CSMD1: variants seen among roughly 807,000 people sequenced by gnomAD.
CSMD1 encodes the protein CUB and Sushi multiple domains 1.
In CSMD1, 213 loss-of-function variants were observed where a neutral mutation model predicts 417.5. The observed-to-expected ratio is 0.51, with a 90% CI of 0.46 to 0.57. CSMD1 has a LOEUF of 0.57. Ranked by LOEUF, CSMD1 falls within the 20% of genes least tolerant of loss-of-function variation. The pLI is 0.00. For synonymous variants in CSMD1, 2,862 were observed against 1,736.8 expected, an observed-to-expected ratio of 1.65 and a Z score of -16.11; for missense variants, 6,923 against 4,529.7, an observed-to-expected ratio of 1.53 and a Z score of -15.17.
chr8:3,965,371 G>T (rs1353759754), intron 5 of CSMD1, among the ~76,000 whole-genome samples: 1 of 152,170 alleles, frequency 6.6e-6, no homozygotes, highest in Non-Finnish European at 1.5e-5. Flanking sequence ...GAGTTTGTGT[G>T]AACAAGCGTT....
intron 3 of CSMD1, among the ~76,000 whole-genome samples, chr8:4,133,164 C>G (rs945084691): frequency 6.6e-6 from 1 of 152,138 alleles, no homozygotes; most frequent in South Asian, 2.1e-4. Context: ...TCTCAAACTC[C>G]TGGCCTTGTG....
At chr8:3,718,304 T>A (rs1410908210) in intron 6 of CSMD1, among the ~76,000 whole-genome samples, 5 of 151,900 alleles carry the variant, frequency 3.3e-5, no homozygotes, top group East Asian at 1.9e-4. Flanking sequence ...GCATTTTTTT[T>A]ATTGGATTTT....
chr8:3,817,882 C>T (rs1049922565), intron 5 of CSMD1, among the ~76,000 whole-genome samples: 3 of 152,160 alleles, frequency 2.0e-5, no homozygotes, highest in Non-Finnish European at 4.4e-5. Flanking sequence ...ACACTAAGGA[C>T]ATTCTTGCTA....
chr8:4,635,188 T>A (rs1802750240), intron 2 of CSMD1, among the ~76,000 whole-genome samples: 1 of 152,106 alleles, frequency 6.6e-6, no homozygotes, highest in Admixed American at 6.5e-5. Context: ...GTACTAAACA[T>A]AACCCAGCAA....
intron 7 of CSMD1, among the ~76,000 whole-genome samples, chr8:3,675,017 T>G (rs570389147): frequency 5.3e-5 from 8 of 152,250 alleles, no homozygotes; most frequent in Non-Finnish European, 1.2e-4. Flanking sequence ...TAATGCCCAG[T>G]GATGCAGGGA....
At chr8:3,816,090 C>G (rs1029398689) in intron 5 of CSMD1, among the ~76,000 whole-genome samples, 1 of 152,144 alleles carries the variant, frequency 6.6e-6, no homozygotes, top group Admixed American at 6.5e-5. Flanking sequence ...GACAAACCTG[C>G]CTTCACCTTT....
chr8:3,503,405 T>A (rs532459854), intron 10 of CSMD1, among the ~76,000 whole-genome samples: 1 of 152,246 alleles, frequency 6.6e-6, no homozygotes, highest in African/African-American at 2.4e-5. Flanking sequence ...CTGCTAGTGA[T>A]TCAGGGTGGG....
chr8:3,983,125 A>ATTTT (rs1563282449), intron 5 of CSMD1, among the ~76,000 whole-genome samples: 2 of 115,406 alleles, frequency 1.7e-5, no homozygotes, highest in African/African-American at 6.9e-5. Flanking sequence ...ATCCTCCCAC[A>ATTTT]TCTTTCTTTC....
At position 3,782,219 on chromosome 8, in the gene CSMD1, G is replaced by A. The variant is rs575721543; in HGVS notation, c.819-28177C>T. 3.4e-4 allele frequency among the ~76,000 whole-genome samples: 52 copies of A among 152,276 alleles called. No individual in the cohort carries two copies. The South Asian group carries it at 6.6e-3, about 19-fold the overall frequency. ...CAAATTCACGGTGCGGCATAGGACA[G>A]AATCTATGTCAGTCACCAGGATGTT... On this transcript the variant is annotated intron_variant, in intron 5 of 69. Transcript: ENST00000635120.
intron 3 of CSMD1, among the ~76,000 whole-genome samples, chr8:4,345,079 TAGAA>T (rs553125968): frequency 1.3e-5 from 2 of 152,200 alleles, no homozygotes; most frequent in South Asian, 4.1e-4. Context: ...GGTTGGGGCT[TAGAA>T]AGAGGAGAAA....
intron 3 of CSMD1, among the ~76,000 whole-genome samples, chr8:4,177,974 G>A (rs10104668): frequency 1.3e-5 from 2 of 151,948 alleles, no homozygotes; most frequent in Non-Finnish European, 2.9e-5. Flanking sequence ...GGATCATATG[G>A]ACTCACAGCC....
At chr8:4,648,647 C>T (rs928322683) in intron 1 of CSMD1, among the ~76,000 whole-genome samples, 2 of 152,168 alleles carry the variant, frequency 1.3e-5, no homozygotes, top group African/African-American at 2.4e-5. Context: ...TTACGTTGCT[C>T]ATTTCACAGA....
intron 5 of CSMD1, among the ~76,000 whole-genome samples, chr8:3,772,087 G>C (rs376836827): frequency 1.3e-5 from 2 of 150,288 alleles, no homozygotes; most frequent in South Asian, 2.1e-4. Flanking sequence ...CCAGGCGGTT[G>C]ATATTAGGGT....
intron 1 of CSMD1, among the ~76,000 whole-genome samples, chr8:4,750,474 G>T (rs935063269): frequency 6.6e-6 from 1 of 151,996 alleles, no homozygotes. Flanking sequence ...AACTCTTATG[G>T]GCAATGCCTC....
At chr8:3,992,066 A>G (rs778533010) in intron 5 of CSMD1, among the ~76,000 whole-genome samples, 3 of 151,154 alleles carry the variant, frequency 2.0e-5, no homozygotes, top group African/African-American at 2.4e-5. Flanking sequence ...TGTTAATTAT[A>G]TCCCTACACC....
chr8:3,373,021 T>C (rs1349341219), intron 18 of CSMD1, among the ~76,000 whole-genome samples: 1 of 152,216 alleles, frequency 6.6e-6, no homozygotes, highest in Non-Finnish European at 1.5e-5. Flanking sequence ...CAAATTTTTA[T>C]GAAGACGATC....
intron 7 of CSMD1, among the ~76,000 whole-genome samples, chr8:3,653,086 G>T (rs184663115): frequency 6.6e-6 from 1 of 152,080 alleles, no homozygotes; most frequent in Non-Finnish European, 1.5e-5. Context: ...ATTCATCAAC[G>T]TCATGCTTCC....
chr8:3,561,972 G>C (rs1405917907), intron 10 of CSMD1, among the ~76,000 whole-genome samples: 2 of 152,042 alleles, frequency 1.3e-5, no homozygotes, highest in Admixed American at 6.6e-5. Flanking sequence ...TGCACTGCAG[G>C]GCTTGCCTTA....
At chr8:4,524,665 C>G (rs1406558870) in intron 2 of CSMD1, among the ~76,000 whole-genome samples, 1 of 140,574 alleles carries the variant, frequency 7.1e-6, no homozygotes, top group Non-Finnish European at 1.5e-5. Context: ...AAATAAATGT[C>G]TTTATCTCCT....
Sources: allele counts gnomAD v4.1 joint callset (sites outside exome capture counted in the v4.1 genomes callset), GRCh38; gene constraint gnomAD v4.1.1; transcripts MANE v1.5; gene names NCBI Gene and HGNC (gene_info 2026-07-23, HGNC 2026-07-21).